Variants in MED12L observed in about 807,000 individuals in gnomAD.
MED12L encodes mediator complex subunit 12L.
In MED12L, 60 loss-of-function variants were observed where a neutral mutation model predicts 281.3. The ratio of observed to expected loss-of-function variants is 0.21; its 90% CI spans 0.17 to 0.26. The LOEUF is 0.26. MED12L is among the 10% of genes least tolerant of loss of function. The pLI is 1.00. For synonymous variants in MED12L, 974 were observed against 987.2 expected (o/e 0.99, Z 0.25); for missense variants, 2,146 against 2,680.9 (o/e 0.80, Z 4.41).
At chr3:151,353,496 C>T (rs1297801887) in intron 17 of MED12L, among the ~76,000 whole-genome samples, 7 of 152,182 alleles carry the variant, frequency 4.6e-5, no homozygotes, top group Non-Finnish European at 8.8e-5. Context: ...AAGCTTGTAA[C>T]TTATGTTACC....
At chr3:151,238,056 T>C (rs907486720) in intron 16 of MED12L, among the ~76,000 whole-genome samples, 1 of 152,244 alleles carries the variant, frequency 6.6e-6, no homozygotes, top group Admixed American at 6.5e-5. Context: ...GATCAAATTA[T>C]CGTTTTTTTC....
intron 12 of MED12L, among the ~76,000 whole-genome samples, chr3:151,186,575 A>G (rs1219189708): frequency 6.6e-6 from 1 of 152,076 alleles, no homozygotes; most frequent in Non-Finnish European, 1.5e-5. Context: ...TGTTCCTTCT[A>G]GGTTGCAGAC....
intron 5 of MED12L, among the ~76,000 whole-genome samples, chr3:151,141,017 G>C (rs571604167): frequency 2.6e-5 from 4 of 151,974 alleles, no homozygotes; most frequent in Non-Finnish European, 5.9e-5. Flanking sequence ...ACAGGCACCC[G>C]CCACGACGCC....
At chr3:151,414,788 C>T (rs751195219) in intron 42 of MED12L, among the ~76,000 whole-genome samples, 6 of 151,160 alleles carry the variant, frequency 4.0e-5, no homozygotes, top group Non-Finnish European at 7.4e-5. Context: ...AGATAGCAAT[C>T]TCAGTCATTG....
At position 151,158,770 on chromosome 3, in the gene MED12L, C is replaced by T. The variant is rs765639983; in HGVS notation, c.808C>T (p.Leu270Phe). ...EKIRPMDDDL[L>F]KLLLPLMLQY... is the part of the protein sequence containing the mutation. ...GATCAGACCAATGGATGATGATCTT[C>T]TTAAACTCTTGCTACCACTAATGCT... Residue 270 changes from leucine to phenylalanine, a missense_variant, in exon 7 of 45, where the codon CTT (leucine) becomes TTT (phenylalanine). Transcript: ENST00000687756. The T allele has an allele frequency of 1.9e-6, 3 of 1,612,430 alleles. No homozygotes were observed. The highest frequency in any genetic ancestry group is 2.5e-6 in the Non-Finnish European group (3 of 1,178,836).
chr3:151,152,868 G>A (rs1718741251), intron 5 of MED12L, among the ~76,000 whole-genome samples: 1 of 152,156 alleles, frequency 6.6e-6, no homozygotes. Flanking sequence ...AACACCGCCA[G>A]TGACCTTTGT....
intron 43 of MED12L, among the ~76,000 whole-genome samples, chr3:151,417,874 G>GA (rs1430237249): frequency 6.6e-6 from 1 of 152,080 alleles, no homozygotes; most frequent in Admixed American, 6.5e-5. Context: ...ATCTACTTCA[G>GA]AAAACCTTCT....
intron 11 of MED12L, among the ~76,000 whole-genome samples, chr3:151,172,251 G>A (rs1441836525): frequency 6.6e-6 from 1 of 152,154 alleles, no homozygotes; most frequent in Non-Finnish European, 1.5e-5. Context: ...TCCTCATTTT[G>A]TAAAATGGGC....
At chr3:151,087,656 A>G (rs746439476) in intron 2 of MED12L, among the ~76,000 whole-genome samples, 11 of 152,218 alleles carry the variant, frequency 7.2e-5, no homozygotes, top group Non-Finnish European at 1.2e-4. Flanking sequence ...ACGTAAAAGC[A>G]GGCGAGTTAC....
chr3:151,169,817 G>A (rs1039962837), intron 11 of MED12L, among the ~76,000 whole-genome samples: 7 of 152,130 alleles, frequency 4.6e-5, no homozygotes, highest in Admixed American at 2.0e-4. Flanking sequence ...TAGATAGCAC[G>A]ATAGATAAAA....
At chr3:151,106,563 C>T (rs879298777) in intron 2 of MED12L, among the ~76,000 whole-genome samples, 13 of 152,084 alleles carry the variant, frequency 8.5e-5, no homozygotes, top group Non-Finnish European at 1.9e-4. Context: ...ATAGTCTCTC[C>T]CCCAACCTGT....
chr3:151,127,119 GAATTAA>G (rs1219342033), intron 4 of MED12L, among the ~76,000 whole-genome samples: 3 of 152,198 alleles, frequency 2.0e-5, no homozygotes, highest in Non-Finnish European at 2.9e-5. Flanking sequence ...CTAGAAGAAT[GAATTAA>G]CTCTTTCAAA....
rs1004022261 is a variant in MED12L at position 151,185,352 on chromosome 3, T to C, written c.1517T>C (p.Val506Ala). 2 of 1,613,750 alleles carry C rather than the reference T, an allele frequency of 1.2e-6. No homozygotes were observed. The highest frequency in any genetic ancestry group is 1.7e-5 in the Admixed American group (1 of 59,978). Residue 506 changes from valine (V) to alanine (A), a missense_variant, in exon 12 of 45, where the codon GTG becomes GCG. Physicochemically the swap from Val to Ala is moderately conservative, Grantham distance 64. This residue lies in a region of MED12L where 722 missense variants were observed against 861.2 expected (regional missense o/e 0.84). Transcript: ENST00000687756. ...TAGGTTGCGCCCAACGATGAAGCTGTGGTGACGCTGTTATGTGAATGGGCC... is the reference window on the plus strand; with the variant it reads ...TAGGTTGCGCCCAACGATGAAGCTGCGGTGACGCTGTTATGTGAATGGGCC... ...NQEVAPNDEAVVTLLCEWAVS... is the reference protein window; with the variant it reads ...NQEVAPNDEAAVTLLCEWAVS...
chr3:151,198,925 G>A, intron 16 of MED12L: 1 of 1,613,860 alleles, frequency 6.2e-7, no homozygotes, highest in Non-Finnish European at 8.5e-7. Flanking sequence ...TGATGTCTTT[G>A]ATGGGAATCA....
chr3:151,373,495 C>A (rs985795646), intron 27 of MED12L, among the ~76,000 whole-genome samples: 2 of 151,988 alleles, frequency 1.3e-5, no homozygotes, highest in Non-Finnish European at 2.9e-5. Flanking sequence ...CTCCCCCACC[C>A]CTCATAAGCA....
chr3:151,264,624 A>G (rs1265774607), intron 16 of MED12L, among the ~76,000 whole-genome samples: 1 of 152,192 alleles, frequency 6.6e-6, no homozygotes, highest in Non-Finnish European at 1.5e-5. Flanking sequence ...GTGTATTAAA[A>G]ACTGCTCTGT....
chr3:151,383,721 A>G (rs1056746464), intron 33 of MED12L, 58 bp from the exon 34 acceptor site: 21 of 1,082,598 alleles, frequency 1.9e-5, no homozygotes, highest in Admixed American at 8.3e-5. Context: ...ACATAAAGCA[A>G]TGGGGTGTTC....
At chr3:151,187,018 G>A (rs149294006) in intron 12 of MED12L, among the ~76,000 whole-genome samples, 323 of 152,284 alleles carry the variant, frequency 2.1e-3, no homozygotes, top group African/African-American at 7.2e-3. Flanking sequence ...AATGAAATAG[G>A]AAGAACATTT....
intron 16 of MED12L, among the ~76,000 whole-genome samples, chr3:151,220,112 T>C (rs1223765474): frequency 6.7e-6 from 1 of 148,338 alleles, no homozygotes; most frequent in Non-Finnish European, 1.5e-5. Flanking sequence ...CAGTTCTGAC[T>C]TCTGCCTACT....
Sources: gnomAD v4.1 joint callset for allele counts (sites outside exome capture counted in the v4.1 genomes callset) on GRCh38, gnomAD v4.1.1 for gene constraint, gnomAD v4.1.1 regional missense constraint, MANE v1.5 for transcripts, NCBI Gene and HGNC (gene_info 2026-07-23, HGNC 2026-07-21) for gene names.